The following RYR3 variants were observed in gnomAD, a reference collection of about 807,000 sequenced individuals.
The protein encoded by RYR3 is ryanodine receptor 3.
A neutral mutation model predicts 584.3 loss-of-function variants in RYR3; 207 were observed. The observed-to-expected ratio is 0.35, with a 90% confidence interval of 0.32 to 0.40. RYR3 has a LOEUF of 0.40. Among genes scored for constraint, RYR3 ranks in the 10% least tolerant of loss-of-function variants. The probability of loss-of-function intolerance (pLI) is 1.00; values close to 1 mark genes in which losing one functional copy is unlikely to be tolerated. For missense variants in RYR3, 5,616 were observed against 6,089.2 expected, an observed-to-expected ratio of 0.92 and a Z score of 2.59; for synonymous variants, 2,416 against 2,248.5, an observed-to-expected ratio of 1.07 and a Z score of -2.11.
chr15:33,516,027 G>A (rs149474356), intron 3 of RYR3, among the ~76,000 whole-genome samples: 2 of 152,010 alleles, frequency 1.3e-5, no homozygotes, highest in East Asian at 1.9e-4. Flanking sequence ...CACATGGTAC[G>A]CCTTGTTACT....
chr15:33,531,596 G>A (rs916299526), intron 4 of RYR3, among the ~76,000 whole-genome samples: 2 of 151,738 alleles, frequency 1.3e-5, no homozygotes, highest in African/African-American at 2.4e-5. Flanking sequence ...GACAACAGGA[G>A]CAACAGCTGC....
intron 67 of RYR3, among the ~76,000 whole-genome samples, chr15:33,792,890 A>G (rs941051266): frequency 2.0e-5 from 3 of 152,138 alleles, no homozygotes; most frequent in Non-Finnish European, 4.4e-5. Flanking sequence ...TGGGTATCCA[A>G]CAATCCAATT....
In RYR3 at chr15:33,731,550, G is replaced by C. The variant is rs571139499; in HGVS notation, c.7280G>C (p.Arg2427Thr). The change falls in exon 48 of 104, where the codon AGA becomes ACA. Residue 2427 changes from arginine to threonine, a missense_variant. Around this residue, in one of 9 missense-constraint regions of RYR3, gnomAD observed 1,280 missense variants for 1,426.2 expected, o/e 0.90. Transcript: ENST00000634891. Reference sequence around the variant, plus strand: ...TCTGCTGTGCTCCCGCTCCTCACAAGATGTGCCCCTCTCTTTGCCGGAACA... The same window carrying C: ...TCTGCTGTGCTCCCGCTCCTCACAACATGTGCCCCTCTCTTTGCCGGAACA... ...ICSAVLPLLT[R>T]CAPLFAGTEH... The C allele has an allele frequency of 3.7e-6, 6 of 1,613,912 alleles. No individual in the cohort carries two copies. The African/African-American group carries it at 8.0e-5, about 22-fold the overall frequency.
At chr15:33,338,505 G>T (rs1270140126) in intron 1 of RYR3, among the ~76,000 whole-genome samples, 1 of 152,284 alleles carries the variant, frequency 6.6e-6, no homozygotes, top group African/African-American at 2.4e-5. Context: ...TGTCTGGTGG[G>T]CTGGGGTGAC....
intron 1 of RYR3, among the ~76,000 whole-genome samples, chr15:33,449,275 C>T (rs1209045029): frequency 6.6e-6 from 1 of 152,182 alleles, no homozygotes; most frequent in African/African-American, 2.4e-5. Flanking sequence ...ACCTCTGGTC[C>T]TCACTGGCTG....
chr15:33,665,578 C>T (rs534800600), intron 36 of RYR3, among the ~76,000 whole-genome samples: 100 of 152,326 alleles, frequency 6.6e-4, no homozygotes, highest in Non-Finnish European at 8.1e-4. Flanking sequence ...GATATAGCTG[C>T]TCATGGTTCC....
chr15:33,338,194 C>G (rs1971380986), intron 1 of RYR3, among the ~76,000 whole-genome samples: 1 of 152,062 alleles, frequency 6.6e-6, no homozygotes, highest in Admixed American at 6.5e-5. Context: ...ATCTGCCCGT[C>G]TTGGCCTCCC....
intron 81 of RYR3, among the ~76,000 whole-genome samples, chr15:33,823,507 T>C (rs957248915): frequency 1.3e-5 from 2 of 152,248 alleles, no homozygotes; most frequent in Non-Finnish European, 1.5e-5. Context: ...ATCTTTGTCC[T>C]TAACAATTCT....
At chr15:33,484,956 G>GTA (rs1470751348) in intron 2 of RYR3, among the ~76,000 whole-genome samples, 1 of 152,108 alleles carries the variant, frequency 6.6e-6, no homozygotes, top group African/African-American at 2.4e-5. Context: ...AAAGGAATTG[G>GTA]TAAATCACAC....
chr15:33,314,742 G>A (rs1472966012), intron 1 of RYR3, among the ~76,000 whole-genome samples: 2 of 151,942 alleles, frequency 1.3e-5, no homozygotes, highest in African/African-American at 4.8e-5. Context: ...GTGAAACCCC[G>A]TCTCTACTAA....
At chr15:33,676,768 C>T (rs940458180) in intron 38 of RYR3, among the ~76,000 whole-genome samples, 2 of 152,148 alleles carry the variant, frequency 1.3e-5, no homozygotes, top group Non-Finnish European at 2.9e-5. Flanking sequence ...ACTTGCCTAC[C>T]TCACAGGTGG....
chr15:33,858,062 A>C (rs1338012006), intron 99 of RYR3, 148 bp downstream of exon 99: 7 of 1,032,496 alleles, frequency 6.8e-6, no homozygotes, highest in Non-Finnish European at 9.6e-6. Flanking sequence ...TAGAAGACAG[A>C]TGTCTTCTCC....
At chr15:33,492,838 A>G (rs1321375508) in intron 2 of RYR3, among the ~76,000 whole-genome samples, 2 of 152,084 alleles carry the variant, frequency 1.3e-5, no homozygotes, top group Non-Finnish European at 2.9e-5. Context: ...GCGCTTAACA[A>G]TGCTTTTCTC....
intron 50 of RYR3, 122 bp from the exon 51 acceptor site, chr15:33,739,710 G>T (rs536209168): frequency 1.3e-6 from 1 of 741,162 alleles, no homozygotes; most frequent in Non-Finnish European, 2.1e-6. Context: ...CACATTTCCC[G>T]TTTTGGTTAA....
chr15:33,540,111 C>T (rs1311126894), intron 6 of RYR3, among the ~76,000 whole-genome samples: 2 of 152,140 alleles, frequency 1.3e-5, no homozygotes, highest in African/African-American at 4.8e-5. Context: ...GTGCTGCATC[C>T]AGCAAACTGT....
intron 60 of RYR3, among the ~76,000 whole-genome samples, chr15:33,766,084 C>G (rs1184452901): frequency 6.6e-6 from 1 of 151,948 alleles, no homozygotes; most frequent in East Asian, 1.9e-4. Flanking sequence ...AGTTTGAGAC[C>G]AGCCTGGCCA....
rs868245910 is a variant in RYR3, at chr15:33,584,427, G to T, written c.1606G>T (p.Ala536Ser). 9 of 1,608,090 alleles carry T rather than the reference G, an allele frequency of 5.6e-6. No individual in the cohort carries two copies. Among genetic ancestry groups the T allele is most frequent in the African/African-American group, 1.3e-5 (1 of 74,700 alleles). ...CATTCGCGGAAACAGAAACAATTGCGCTCAATTCTCCAATAACCTTGATTG... is the reference window on the plus strand; with the variant it reads ...CATTCGCGGAAACAGAAACAATTGCTCTCAATTCTCCAATAACCTTGATTG... The part of the protein sequence containing the change: ...ALIRGNRNNC[A>S]QFSNNLDWLI... Residue 536 changes from alanine (A) to serine (S), a missense_variant, in exon 15 of 104, where the codon GCT becomes TCT. Ala to Ser is a moderately conservative substitution (Grantham distance 99, BLOSUM62 1). This residue lies in a region of RYR3 where 1,284 missense variants were observed against 1,344.6 expected (regional missense o/e 0.95). Coordinates refer to ENST00000634891, the MANE Select transcript of RYR3 (RefSeq NM_001036.6).
rs35785154 is a variant in RYR3, at chr15:33,598,246, C to CAAAAAAAAA, written c.1789-3165_1789-3157dup. On this transcript the variant is annotated intron_variant, in intron 16 of 103. Transcript: ENST00000634891. ...TAACTGAGAAGAAAAAAAAATTGCTCAAAAAAAAAAAAAAAAGACAAGGCC... is the reference window on the plus strand; with the variant it reads ...TAACTGAGAAGAAAAAAAAATTGCTCAAAAAAAAAAAAAAAAAAAAAAAAAGACAAGGCC... Among the ~76,000 whole-genome samples the CAAAAAAAAA allele has an allele frequency of 5.2e-3, 384 of 74,126 alleles. 7 individuals carry two copies. Among genetic ancestry groups the CAAAAAAAAA allele is most frequent in the African/African-American group, 0.016 (296 of 18,568 alleles). The allele number at this position is 74,126 out of a possible 152,430, so 48.6% of individuals were successfully genotyped here. A position where few individuals can be genotyped will look rare whatever the true frequency, so the allele number is the denominator to read the frequency against.
chr15:33,690,499 A>C (rs1283359093), intron 38 of RYR3, among the ~76,000 whole-genome samples: 1 of 152,252 alleles, frequency 6.6e-6, no homozygotes. Context: ...TATTCTTCTT[A>C]CGTGAGATGC....
Sources: gnomAD v4.1 joint callset for allele counts (sites outside exome capture counted in the v4.1 genomes callset) on GRCh38, gnomAD v4.1.1 for gene constraint, gnomAD v4.1.1 regional missense constraint, MANE v1.5 for transcripts, NCBI Gene and HGNC (gene_info 2026-07-23, HGNC 2026-07-21) for gene names.